LARS2: variants seen among roughly 807,000 people sequenced by gnomAD.
LARS2 encodes the protein leucyl-tRNA synthetase 2, mitochondrial, also known as leucine--tRNA ligase, mitochondrial.
LARS2 carries 81 observed loss-of-function variants against 116.6 expected under a neutral mutation model. The observed-to-expected ratio is 0.69, with a 90% confidence interval of 0.58 to 0.84. The LOEUF is 0.84. Ranked by LOEUF, LARS2 falls within the 40% of genes least tolerant of loss-of-function variation. LARS2 has a pLI of 0.00. For missense variants in LARS2, 968 were observed against 1,114.5 expected, an observed-to-expected ratio of 0.87 and a Z score of 1.87; for synonymous variants, 396 against 407.2, an observed-to-expected ratio of 0.97 and a Z score of 0.33.
rs1436388181 is a variant in LARS2, at chr3:45,458,778, G to A, written c.642G>A (p.Val214=). ...LVNWDPVDQT[V]LANEQVDEHG... ...ACTGGGACCCAGTGGATCAAACAGTGCTTGCCAATGAGCAGGTGGATGAAC... is the reference window on the plus strand; with the variant it reads ...ACTGGGACCCAGTGGATCAAACAGTACTTGCCAATGAGCAGGTGGATGAAC... The change falls in exon 8 of 22, where the codon GTG becomes GTA. Residue 214 remains valine, a synonymous_variant. Transcript: ENST00000645846. 1.2e-6 allele frequency: 2 copies of A among 1,614,186 alleles called. No homozygotes were observed. Among genetic ancestry groups the A allele is most frequent in the Admixed American group, 1.7e-5 (1 of 60,032 alleles).
intron 3 of LARS2, among the ~76,000 whole-genome samples, chr3:45,397,226 A>C (rs898788982): frequency 6.6e-6 from 1 of 152,176 alleles, no homozygotes; most frequent in Non-Finnish European, 1.5e-5. Flanking sequence ...TTCTTGCTCA[A>C]TTATAACAGA....
intron 20 of LARS2, among the ~76,000 whole-genome samples, chr3:45,528,415 G>A (rs1700564191): frequency 6.6e-6 from 1 of 152,138 alleles, no homozygotes; most frequent in African/African-American, 2.4e-5. Flanking sequence ...TCTGTGTTGT[G>A]TTGTGTTTTG....
chr3:45,411,720 G>A (rs895179804), intron 4 of LARS2, among the ~76,000 whole-genome samples: 1 of 151,682 alleles, frequency 6.6e-6, no homozygotes, highest in Non-Finnish European at 1.5e-5. Context: ...ATTTATTTTA[G>A]GTTCAGGAGT....
At chr3:45,427,108 A>C (rs1454818338) in intron 6 of LARS2, among the ~76,000 whole-genome samples, 1 of 152,192 alleles carries the variant, frequency 6.6e-6, no homozygotes, top group African/African-American at 2.4e-5. Context: ...TAAGGGTACA[A>C]AATCTCTCTC....
intron 20 of LARS2, among the ~76,000 whole-genome samples, chr3:45,532,197 T>TC (rs1700625790): frequency 6.6e-6 from 1 of 152,234 alleles, no homozygotes; most frequent in African/African-American, 2.4e-5. Flanking sequence ...AACAAACGCT[T>TC]CCCTGGTTAG....
At chr3:45,416,906 C>T (rs1017772259) in intron 4 of LARS2, among the ~76,000 whole-genome samples, 5 of 151,682 alleles carry the variant, frequency 3.3e-5, no homozygotes, top group Non-Finnish European at 5.9e-5. Context: ...AACCCTGTCT[C>T]TACTAAAAAT....
chr3:45,420,097 A>G (rs1698491511), intron 6 of LARS2, among the ~76,000 whole-genome samples: 1 of 152,222 alleles, frequency 6.6e-6, no homozygotes, highest in Non-Finnish European at 1.5e-5. Flanking sequence ...ACATTGATTG[A>G]CCATTTATTT....
At chr3:45,538,831 C>T (rs1038901102) in intron 20 of LARS2, among the ~76,000 whole-genome samples, 1 of 152,218 alleles carries the variant, frequency 6.6e-6, no homozygotes, top group African/African-American at 2.4e-5. Context: ...CGGTGGAACT[C>T]TCAGTTCCAG....
intron 5 of LARS2, 52 bp from the exon 6 acceptor site, chr3:45,419,617 A>G (rs976072627): frequency 7.7e-7 from 1 of 1,301,676 alleles, no homozygotes; most frequent in Non-Finnish European, 1.1e-6. Flanking sequence ...GTAGTTGTGT[A>G]TGGCTTTAAT....
intron 13 of LARS2, chr3:45,495,624 G>A (rs1037141744): frequency 1.3e-5 from 2 of 152,284 alleles, no homozygotes; most frequent in Middle Eastern, 3.4e-3. Context: ...GTAGGCATTG[G>A]CGAAGGCAAT....
chr3:45,488,151 A>G (rs963131307), intron 11 of LARS2, among the ~76,000 whole-genome samples: 8 of 152,134 alleles, frequency 5.3e-5, no homozygotes, highest in Admixed American at 3.9e-4. Context: ...AAAAAAAAAT[A>G]GGCTGGACAC....
chr3:45,496,531 G>A (rs1700014371), intron 14 of LARS2, among the ~76,000 whole-genome samples, 158 bp downstream of exon 14: 1 of 152,206 alleles, frequency 6.6e-6, no homozygotes, highest in African/African-American at 2.4e-5. Flanking sequence ...AGTGCTCTTA[G>A]ACCACGATGG....
chr3:45,424,765 C>T (rs1269919027), intron 6 of LARS2, among the ~76,000 whole-genome samples: 1 of 152,182 alleles, frequency 6.6e-6, no homozygotes, highest in Non-Finnish European at 1.5e-5. Flanking sequence ...GCCTGGTGCT[C>T]AGTGACCACT....
intron 20 of LARS2, among the ~76,000 whole-genome samples, chr3:45,535,148 G>C (rs922898931): frequency 6.6e-6 from 1 of 152,116 alleles, no homozygotes; most frequent in Non-Finnish European, 1.5e-5. Flanking sequence ...GAGGTCAGGA[G>C]ACCAACCTGG....
intron 15 of LARS2, among the ~76,000 whole-genome samples, chr3:45,506,321 G>A (rs982705028): frequency 2.6e-5 from 4 of 152,012 alleles, no homozygotes; most frequent in African/African-American, 9.7e-5. Context: ...TTTCTTAGAG[G>A]TGTATTGGTA....
intron 20 of LARS2, among the ~76,000 whole-genome samples, chr3:45,529,820 C>T (rs1176076141): frequency 6.6e-6 from 1 of 152,196 alleles, no homozygotes; most frequent in Admixed American, 6.5e-5. Context: ...GTAGCCCAAC[C>T]TGGGCCCATC....
chr3:45,461,211 T>G (rs921370556), intron 8 of LARS2, among the ~76,000 whole-genome samples: 1 of 152,104 alleles, frequency 6.6e-6, no homozygotes, highest in East Asian at 1.9e-4. Context: ...AAACTTTTTT[T>G]TTTTAAATGA....
At chr3:45,400,422 T>C in intron 4 of LARS2, 49 bp downstream of exon 4, 2 of 1,553,750 alleles carry the variant, frequency 1.3e-6, no homozygotes, top group East Asian at 4.6e-5. Flanking sequence ...ACACGCAGGG[T>C]TGGCATGTAG....
intron 19 of LARS2, among the ~76,000 whole-genome samples, chr3:45,522,347 A>G (rs182251499): frequency 4.8e-4 from 73 of 152,344 alleles, no homozygotes; most frequent in African/African-American, 1.7e-3. Context: ...TGTCATATCA[A>G]TAAGAAAGGA....
Sources: gnomAD v4.1 joint callset for allele counts (sites outside exome capture counted in the v4.1 genomes callset) on GRCh38, gnomAD v4.1.1 for gene constraint, MANE v1.5 for transcripts, NCBI Gene and HGNC (gene_info 2026-07-23, HGNC 2026-07-21) for gene names.